Variants in TMEM242 observed in about 807,000 individuals in gnomAD.
TMEM242 encodes transmembrane protein 242, also known as UPF0463 transmembrane protein C6orf35.
TMEM242 carries 10 observed loss-of-function variants against 18.2 expected under a neutral mutation model. The observed-to-expected ratio is 0.55, with a 90% confidence interval of 0.34 to 0.93. TMEM242 has a LOEUF of 0.93. TMEM242 is among the 40% of genes least tolerant of loss of function. The pLI, the probability that TMEM242 is intolerant of heterozygous loss-of-function variation, is 0.02. For missense variants in TMEM242, 186 were observed against 175.5 expected, an observed-to-expected ratio of 1.06 and a Z score of -0.34; for synonymous variants, 57 against 69.9, an observed-to-expected ratio of 0.81 and a Z score of 0.92.
chr6:157,321,012 CTTTTTTTTTT>C (rs1181386580), intron 2 of TMEM242, among the ~76,000 whole-genome samples: 1 of 102,078 alleles, frequency 9.8e-6, no homozygotes, highest in Non-Finnish European at 2.1e-5. Context: ...TTTTTTTTTT[CTTTTTTTTTT>C]TTTTGAGACG....
chr6:157,321,992 A>G (rs1411785903), intron 2 of TMEM242, among the ~76,000 whole-genome samples: 5 of 152,226 alleles, frequency 3.3e-5, no homozygotes, highest in African/African-American at 1.2e-4. Flanking sequence ...TCTTGCCATT[A>G]TGGTATCGAT....
chr6:157,308,702 A>G (rs1332768342), intron 3 of TMEM242, among the ~76,000 whole-genome samples: 1 of 152,014 alleles, frequency 6.6e-6, no homozygotes, highest in Non-Finnish European at 1.5e-5. Context: ...ACTTCCATAA[A>G]AGCCTTTCTA....
intron 2 of TMEM242, 79 bp downstream of exon 2, chr6:157,322,626 T>C: frequency 8.6e-7 from 1 of 1,163,928 alleles, no homozygotes; most frequent in Non-Finnish European, 1.2e-6. Flanking sequence ...AGACCATCAA[T>C]ATTTTATTTT....
chr6:157,307,522 A>C (rs1482930060), intron 3 of TMEM242, among the ~76,000 whole-genome samples: 1 of 152,190 alleles, frequency 6.6e-6, no homozygotes, highest in African/African-American at 2.4e-5. Flanking sequence ...ATTATCTCCC[A>C]TCTTAAACTG....
chr6:157,310,564 T>C (rs1554248325), intron 3 of TMEM242, among the ~76,000 whole-genome samples: 1 of 80,010 alleles, frequency 1.2e-5, no homozygotes, highest in East Asian at 4.2e-4. Flanking sequence ...AGCCTCATCA[T>C]AGTGCCCCAG....
At position 157,289,038 on chromosome 6, in the gene TMEM242, A is replaced by C. The variant is rs1777648872; in HGVS notation, c.*3863T>G. ...GCTTTATCCTTATGTCTTTAAGTAC[A>C]TTTAATACATTCACCTTTTTTTTTT... On this transcript the variant is annotated 3_prime_UTR_variant, in exon 4 of 4. Transcript: ENST00000400788. Among the ~76,000 whole-genome samples, 1 of 136,076 alleles carries C rather than the reference A, an allele frequency of 7.3e-6. No individual in the cohort carries two copies. The highest frequency in any genetic ancestry group is 1.5e-5 in the Non-Finnish European group (1 of 65,410). 89.3% of individuals were successfully genotyped at this position (136,076 alleles called of 152,430 possible).
At chr6:157,314,633 C>T (rs1259497618) in intron 3 of TMEM242, among the ~76,000 whole-genome samples, 1 of 152,172 alleles carries the variant, frequency 6.6e-6, no homozygotes, top group Non-Finnish European at 1.5e-5. Context: ...AACTTACCTG[C>T]CTTGGTCTAA....
chr6:157,321,835 G>T (rs1432393189), intron 2 of TMEM242, among the ~76,000 whole-genome samples: 2 of 152,136 alleles, frequency 1.3e-5, no homozygotes, highest in Admixed American at 6.5e-5. Flanking sequence ...GCACTACTCT[G>T]ATTTCCACCA....
intron 3 of TMEM242, among the ~76,000 whole-genome samples, chr6:157,304,576 C>G (rs1777884677): frequency 6.7e-6 from 1 of 149,606 alleles, no homozygotes; most frequent in Non-Finnish European, 1.5e-5. Context: ...TAAACACCTA[C>G]AATGCATTAG....
At chr6:157,308,767 A>G (rs1420437287) in intron 3 of TMEM242, among the ~76,000 whole-genome samples, 1 of 151,958 alleles carries the variant, frequency 6.6e-6, no homozygotes, top group African/African-American at 2.4e-5. Flanking sequence ...GTGGGGGTGG[A>G]TTACTTTCTA....
At position 157,307,004 on chromosome 6, in the gene TMEM242, C is replaced by T. The variant is rs587690141; in HGVS notation, c.327+11778G>A. On this transcript the variant is annotated intron_variant, in intron 3 of 3. Coordinates refer to ENST00000400788, the MANE Select transcript of TMEM242 (RefSeq NM_018452.6). ...GAGAGAACATCATTTTCTGATATAC[C>T]GGTAAGTGAATACTTACAAACTGTA... Among the ~76,000 whole-genome samples the T allele has an allele frequency of 3.3e-4, 50 of 152,228 alleles. No homozygotes were observed. The South Asian group carries it at 3.3e-3, about 10-fold the overall frequency.
rs1275878349 is a variant in TMEM242, at chr6:157,312,438, C to T, written c.327+6344G>A. Among the ~76,000 whole-genome samples, 3 of 94,270 alleles carry T rather than the reference C, an allele frequency of 3.2e-5. 1 individual carries two copies. Among genetic ancestry groups the T allele is most frequent in the Non-Finnish European group, 6.4e-5 (3 of 47,152 alleles). 61.8% of individuals were successfully genotyped at this position (94,270 alleles called of 152,430 possible). Reference sequence around the variant, plus strand: ...CCTCATCATAGTGTCACAGTGTGCACTCACCGAGCCTCATAGTGCCCCAGC... The same window carrying T: ...CCTCATCATAGTGTCACAGTGTGCATTCACCGAGCCTCATAGTGCCCCAGC... On this transcript the variant is annotated intron_variant, in intron 3 of 3. Coordinates refer to ENST00000400788, the MANE Select transcript of TMEM242 (RefSeq NM_018452.6).
chr6:157,295,124 G>A (rs1327399031), intron 3 of TMEM242, among the ~76,000 whole-genome samples: 1 of 152,134 alleles, frequency 6.6e-6, no homozygotes, highest in East Asian at 1.9e-4. Flanking sequence ...TTACTTTATA[G>A]CTATATATCT....
At chr6:157,311,353 C>T (rs1554248740) in intron 3 of TMEM242, among the ~76,000 whole-genome samples, 2 of 141,714 alleles carry the variant, frequency 1.4e-5, no homozygotes, top group Admixed American at 7.1e-5. Flanking sequence ...CCAGTGTGCG[C>T]TCACCTAGCC....
chr6:157,317,312 G>A (rs1432999551), intron 3 of TMEM242, among the ~76,000 whole-genome samples: 2 of 152,072 alleles, frequency 1.3e-5, no homozygotes, highest in African/African-American at 4.8e-5. Flanking sequence ...CTGCCAAACC[G>A]GGTGAATCAT....
chr6:157,300,270 C>G lies in TMEM242; in HGVS notation c.328-7271G>C, dbSNP rs1276427465. 10 of 331,122 alleles carry G rather than the reference C, an allele frequency of 3.0e-5. No individual in the cohort carries two copies. The East Asian group carries it at 6.7e-4, about 22-fold the overall frequency. 20.5% of individuals were successfully genotyped at this position (331,122 alleles called of 1,614,324 possible). A position where few individuals can be genotyped will look rare whatever the true frequency, so the allele number is the denominator to read the frequency against. On this transcript the variant is annotated intron_variant, in intron 3 of 3. Transcript: ENST00000400788. ...GCCCCCTGGCCCTCTACTGCGGCTG[C>G]GCGGGCCTTGCCAGCGCCTTCAACA...
rs587617669 is a variant in TMEM242 at position 157,293,481 on chromosome 6, T to G, written c.328-482A>C. 2.0e-5 allele frequency among the ~76,000 whole-genome samples: 3 copies of G among 152,328 alleles called. No homozygotes were observed. The East Asian group carries it at 5.8e-4, about 29-fold the overall frequency. On this transcript the variant is annotated intron_variant, in intron 3 of 3. Transcript: ENST00000400788. The stretch of plus-strand genomic sequence containing the variant: ...GAAGAGTGTGTATTGTTGGCTTTCA[T>G]ATATAAAGATGCCATTGAGGATGGG...
chr6:157,293,215 T>C (rs1400190471), intron 3 of TMEM242, among the ~76,000 whole-genome samples: 3 of 152,208 alleles, frequency 2.0e-5, no homozygotes, highest in Middle Eastern at 6.8e-3. Flanking sequence ...TATTAATAAA[T>C]AACATAAAAC....
chr6:157,311,877 T>G (rs1554249029), intron 3 of TMEM242, among the ~76,000 whole-genome samples: 2 of 105,478 alleles, frequency 1.9e-5, no homozygotes, highest in East Asian at 2.9e-4. Flanking sequence ...CCTAGCCTCA[T>G]CATAGTGTTC....
Sources: allele counts gnomAD v4.1 joint callset (sites outside exome capture counted in the v4.1 genomes callset), GRCh38; gene constraint gnomAD v4.1.1; transcripts MANE v1.5; gene names NCBI Gene and HGNC (gene_info 2026-07-23, HGNC 2026-07-21).